Variants in SOBP observed in about 807,000 individuals in gnomAD.
The protein encoded by SOBP is sine oculis-binding protein homolog.
In SOBP, 4 loss-of-function variants were observed where a neutral mutation model predicts 53.6. The observed-to-expected ratio is 0.07, with a 90% CI of 0.04 to 0.17. The LOEUF is 0.17. SOBP is among the 10% of genes least tolerant of loss of function. The pLI is 1.00. For synonymous variants in SOBP, 584 were observed against 522.6 expected, an observed-to-expected ratio of 1.12 and a Z score of -1.60; for missense variants, 1,088 against 1,204.7, an observed-to-expected ratio of 0.90 and a Z score of 1.43.
chr6:107,559,828 T>G (rs1784723853), intron 4 of SOBP, among the ~76,000 whole-genome samples: 1 of 152,232 alleles, frequency 6.6e-6, no homozygotes, highest in Non-Finnish European at 1.5e-5. Context: ...GTTTGTACCT[T>G]GTGGCAAACA....
At chr6:107,623,013 T>C (rs1483151182) in intron 5 of SOBP, among the ~76,000 whole-genome samples, 1 of 152,194 alleles carries the variant, frequency 6.6e-6, no homozygotes, top group African/African-American at 2.4e-5. Context: ...CACCATCTGA[T>C]TAATCTAGGG....
intron 4 of SOBP, among the ~76,000 whole-genome samples, chr6:107,572,120 A>G (rs970541612): frequency 6.6e-6 from 1 of 152,222 alleles, no homozygotes; most frequent in Non-Finnish European, 1.5e-5. Context: ...TCTAAGGATT[A>G]TAAATAAGAG....
chr6:107,581,390 C>T (rs1034875225), intron 4 of SOBP, among the ~76,000 whole-genome samples: 10 of 152,164 alleles, frequency 6.6e-5, no homozygotes, highest in African/African-American at 2.4e-4. Context: ...ACTAAGAATT[C>T]AGACCCGAGG....
At chr6:107,653,368 C>T (rs1771889317) in intron 6 of SOBP, among the ~76,000 whole-genome samples, 1 of 152,238 alleles carries the variant, frequency 6.6e-6, no homozygotes, top group Non-Finnish European at 1.5e-5. Context: ...CAATCCAGTC[C>T]TCAGGGACTC....
rs775947550 is a variant in SOBP at position 107,634,230 on chromosome 6, C to T, written c.1386C>T (p.Pro462=). 21 of 1,588,316 alleles carry T rather than the reference C, an allele frequency of 1.3e-5. No homozygotes were observed. The South Asian group carries it at 2.2e-4, about 17-fold the overall frequency. ...CCATGCTATCGCCCCACATCCACCC[C>T]CCGAGCACCCCCACCATGCCCGGGA... ...HRPMLSPHIH[P]PSTPTMPGNP... is the part of the protein sequence containing the mutation. The change falls in exon 6 of 7, where the codon CCC becomes CCT. Residue 462 remains proline (P), a synonymous_variant. Transcript: ENST00000317357. This position sits in a 1 kb window ranked among gnomAD's most constrained non-coding sequence, Gnocchi z 4.5.
At chr6:107,592,700 A>G (rs1367071990) in intron 5 of SOBP, among the ~76,000 whole-genome samples, 1 of 152,212 alleles carries the variant, frequency 6.6e-6, no homozygotes, top group East Asian at 1.9e-4. Context: ...TGAAATAGTC[A>G]CTGCAATAGC....
At chr6:107,533,640 C>G in intron 4 of SOBP, 30 bp downstream of exon 4, 2 of 1,613,694 alleles carry the variant, frequency 1.2e-6, no homozygotes, top group Admixed American at 3.3e-5. Context: ...AGGCGGCCCC[C>G]CACAGGCCTC....
At position 107,533,470 on chromosome 6, in the gene SOBP, T is replaced by C. The variant is rs1783902258; in HGVS notation, c.433T>C (p.Ser145Pro). The change falls in exon 4 of 7, where the codon TCA becomes CCA. Residue 145 changes from serine (S) to proline (P), a missense_variant. Around this residue, in one of 6 missense-constraint regions of SOBP, gnomAD observed 112 missense variants for 117.9 expected, o/e 0.95. Coordinates refer to ENST00000317357, the MANE Select transcript of SOBP (RefSeq NM_018013.4). ...TACTTTTATTATAGAAGATGATGTG[T>C]CAAATGTACAAATAATGTGTGCCTG... The part of the protein sequence containing the change: ...FIKPPAEDDV[S>P]NVQIMCAWCQ... 1 of 1,613,990 alleles carries C rather than the reference T, an allele frequency of 6.2e-7. No individual in the cohort carries two copies. Among genetic ancestry groups the C allele is most frequent in the Non-Finnish European group, 8.5e-7 (1 of 1,180,016 alleles).
chr6:107,590,478 C>T (rs1785706621), intron 5 of SOBP, among the ~76,000 whole-genome samples: 1 of 152,128 alleles, frequency 6.6e-6, no homozygotes, highest in Non-Finnish European at 1.5e-5. Flanking sequence ...GAAAGGGGAA[C>T]TAAGAGAAAG....
intron 5 of SOBP, among the ~76,000 whole-genome samples, chr6:107,619,436 CT>C (rs968138587): frequency 6.6e-6 from 1 of 152,188 alleles, no homozygotes; most frequent in Non-Finnish European, 1.5e-5. Flanking sequence ...GCAGCCTGCA[CT>C]GAGAACCTCC....
At chr6:107,559,981 G>C (rs1275009753) in intron 4 of SOBP, among the ~76,000 whole-genome samples, 1 of 152,150 alleles carries the variant, frequency 6.6e-6, no homozygotes, top group Non-Finnish European at 1.5e-5. Context: ...GGGGGCAGCA[G>C]TGGGGGAGAG....
rs772826214 is a variant in SOBP at position 107,635,106 on chromosome 6, C to T, written c.2262C>T (p.Pro754=). Residue 754 remains proline, a synonymous_variant, in exon 6 of 7, where the codon CCC becomes CCT. Coordinates refer to ENST00000317357, the MANE Select transcript of SOBP (RefSeq NM_018013.4). This position sits in a 1 kb window ranked among gnomAD's most constrained non-coding sequence, Gnocchi z 4.5. ...QPPPPPPPAP[P]KKLLSPEEPA... is the part of the protein sequence containing the mutation. The stretch of plus-strand genomic sequence containing the variant: ...CGCCGCCGCCGCCGCCCGCGCCCCC[C>T]AAGAAGCTGCTGTCGCCTGAGGAAC... 6.2e-7 allele frequency: 1 copy of T among 1,608,912 alleles called. No homozygotes were observed. Among genetic ancestry groups the T allele is most frequent in the Non-Finnish European group, 8.5e-7 (1 of 1,177,886 alleles).
chr6:107,649,707 C>T (rs1271540898), intron 6 of SOBP, among the ~76,000 whole-genome samples: 2 of 151,448 alleles, frequency 1.3e-5, no homozygotes, highest in Non-Finnish European at 2.9e-5. Context: ...AAGAAAACTA[C>T]ACTGTTAGTC....
intron 1 of SOBP, among the ~76,000 whole-genome samples, chr6:107,500,150 G>C (rs1241510824): frequency 6.6e-6 from 1 of 152,070 alleles, no homozygotes; most frequent in African/African-American, 2.4e-5. Flanking sequence ...CCAGCACTTT[G>C]GGAGGCCGAA....
intron 3 of SOBP, chr6:107,511,429 A>G (rs1221528899): frequency 1.3e-5 from 2 of 152,180 alleles, no homozygotes; most frequent in African/African-American, 4.8e-5. Context: ...TAGGGGTAAA[A>G]TCCTAGCTTT....
intron 4 of SOBP, chr6:107,558,025 A>ATGTTAGAATG (rs1784665030): frequency 6.6e-6 from 1 of 152,178 alleles, no homozygotes. Context: ...GATCCACAAG[A>ATGTTAGAATG]TTAATCCTGA....
chr6:107,494,624 A>G lies in SOBP; in HGVS notation c.96+3912A>G, dbSNP rs116322514. Among the ~76,000 whole-genome samples, 387 of 152,370 alleles carry G rather than the reference A, an allele frequency of 2.5e-3. 2 individuals are homozygous for G. The highest frequency in any genetic ancestry group is 8.8e-3 in the African/African-American group (364 of 41,582). ...TGCTGGAAACTTTCCTAAACAAACC[A>G]TAATTAATGCACTTACAATGTTTAA... On this transcript the variant is annotated intron_variant, in intron 1 of 6. Coordinates refer to ENST00000317357, the MANE Select transcript of SOBP (RefSeq NM_018013.4).
At chr6:107,570,138 T>C (rs890738908) in intron 4 of SOBP, among the ~76,000 whole-genome samples, 3 of 152,218 alleles carry the variant, frequency 2.0e-5, no homozygotes, top group Non-Finnish European at 4.4e-5. Flanking sequence ...TGGTGTTTTT[T>C]CCTTCCCCTT....
At chr6:107,555,555 A>C (rs373011531) in intron 4 of SOBP, among the ~76,000 whole-genome samples, 1 of 152,230 alleles carries the variant, frequency 6.6e-6, no homozygotes, top group Non-Finnish European at 1.5e-5. Context: ...CACTCCAACA[A>C]TCAGAGGCCC....
Sources: gnomAD v4.1 joint callset for allele counts (sites outside exome capture counted in the v4.1 genomes callset) on GRCh38, gnomAD v4.1.1 for gene constraint, gnomAD v4.1.1 regional missense constraint, Gnocchi (gnomAD v3.1) non-coding constraint, MANE v1.5 for transcripts, NCBI Gene and HGNC (gene_info 2026-07-23, HGNC 2026-07-21) for gene names.